The following PTPRD variants were observed in gnomAD, a reference collection of about 807,000 sequenced individuals.
The protein encoded by PTPRD is receptor-type tyrosine-protein phosphatase delta.
In PTPRD, 34 loss-of-function variants were observed where a neutral mutation model predicts 214.5. The ratio of observed to expected loss-of-function variants is 0.16; its 90% CI spans 0.12 to 0.21. The LOEUF (loss-of-function observed/expected upper bound fraction) is 0.21. PTPRD is among the 10% of genes least tolerant of loss of function. PTPRD has a pLI of 1.00. For missense variants in PTPRD, 2,545 were observed against 2,398.7 expected (o/e 1.06, Z -1.27); for synonymous variants, 1,128 against 845.7 (o/e 1.33, Z -5.79).
At chr9:8,535,502 T>A (rs1443747975) in intron 14 of PTPRD, among the ~76,000 whole-genome samples, 1 of 151,870 alleles carries the variant, frequency 6.6e-6, no homozygotes, top group African/African-American at 2.4e-5. Context: ...ATTTTAAAAA[T>A]AGCTCTAAAT....
chr9:8,410,866 C>T (rs2093455312), intron 35 of PTPRD, among the ~76,000 whole-genome samples: 1 of 151,928 alleles, frequency 6.6e-6, no homozygotes, highest in African/African-American at 2.4e-5. Context: ...ATGCAGGGAA[C>T]AAAAAGGATA....
intron 9 of PTPRD, among the ~76,000 whole-genome samples, chr9:9,303,218 T>C (rs1459272156): frequency 6.6e-6 from 1 of 152,004 alleles, no homozygotes; most frequent in Non-Finnish European, 1.5e-5. Flanking sequence ...ATTATCCTAT[T>C]TTTATACATC....
chr9:8,550,541 A>G (rs374993789), intron 14 of PTPRD, among the ~76,000 whole-genome samples: 1 of 152,206 alleles, frequency 6.6e-6, no homozygotes, highest in Non-Finnish European at 1.5e-5. Flanking sequence ...TGTATCTACC[A>G]TACACACAAA....
At chr9:10,164,670 C>G (rs1258498264) in intron 3 of PTPRD, among the ~76,000 whole-genome samples, 2 of 151,322 alleles carry the variant, frequency 1.3e-5, no homozygotes, top group African/African-American at 2.4e-5. Flanking sequence ...AGTAAAATAT[C>G]AAAGATTTAT....
At chr9:8,948,341 GC>G (rs1297797680) in intron 11 of PTPRD, among the ~76,000 whole-genome samples, 1 of 136,038 alleles carries the variant, frequency 7.4e-6, no homozygotes, top group Non-Finnish European at 1.5e-5. Context: ...TAACCACTAT[GC>G]CCATGCATCT....
chr9:10,225,209 A>C (rs1347144971), intron 3 of PTPRD, among the ~76,000 whole-genome samples: 1 of 151,910 alleles, frequency 6.6e-6, no homozygotes, highest in African/African-American at 2.4e-5. Flanking sequence ...TTAGTAGTTT[A>C]TAGTAAAAAG....
At chr9:9,980,905 G>C (rs2095522385) in intron 4 of PTPRD, among the ~76,000 whole-genome samples, 1 of 146,152 alleles carries the variant, frequency 6.8e-6, no homozygotes, top group Non-Finnish European at 1.5e-5. Flanking sequence ...TCATTAGAAA[G>C]GCAAGCTATT....
intron 9 of PTPRD, among the ~76,000 whole-genome samples, chr9:9,339,725 G>T (rs1293100388): frequency 1.3e-5 from 2 of 152,058 alleles, no homozygotes; most frequent in Non-Finnish European, 2.9e-5. Flanking sequence ...TTGTACAGTT[G>T]TTTCTCAAAA....
chr9:10,248,429 T>C (rs2092410410), intron 3 of PTPRD, among the ~76,000 whole-genome samples: 1 of 149,696 alleles, frequency 6.7e-6, no homozygotes, highest in Admixed American at 6.7e-5. Flanking sequence ...AAATGAGCTA[T>C]TCACCAAAAC....
At chr9:9,664,968 C>T (rs1594668492) in intron 7 of PTPRD, among the ~76,000 whole-genome samples, 1 of 151,492 alleles carries the variant, frequency 6.6e-6, no homozygotes, top group South Asian at 2.1e-4. Context: ...TGAATGAAAA[C>T]TTTTTATATT....
At chr9:10,378,428 G>C (rs1485754019) in intron 2 of PTPRD, among the ~76,000 whole-genome samples, 1 of 152,144 alleles carries the variant, frequency 6.6e-6, no homozygotes, top group East Asian at 1.9e-4. Context: ...TTTAATTGTA[G>C]TAGTTTTATA....
At chr9:8,905,247 G>T (rs989207795) in intron 11 of PTPRD, among the ~76,000 whole-genome samples, 4 of 151,772 alleles carry the variant, frequency 2.6e-5, no homozygotes, top group African/African-American at 9.7e-5. Context: ...TTTTAATTTG[G>T]CCATGGTTTG....
intron 11 of PTPRD, among the ~76,000 whole-genome samples, chr9:8,764,906 C>A (rs939130290): frequency 6.6e-6 from 1 of 152,000 alleles, no homozygotes; most frequent in African/African-American, 2.4e-5. Flanking sequence ...TAATTAAACA[C>A]ATCTCATGAT....
At chr9:9,019,459 C>G (rs915035588) in intron 10 of PTPRD, among the ~76,000 whole-genome samples, 2 of 152,270 alleles carry the variant, frequency 1.3e-5, no homozygotes, top group Admixed American at 6.5e-5. Flanking sequence ...TATCCCAGGA[C>G]TTGGGGAGGC....
chr9:9,600,973 A>G (rs1284928884), intron 7 of PTPRD, among the ~76,000 whole-genome samples: 1 of 151,974 alleles, frequency 6.6e-6, no homozygotes, highest in African/African-American at 2.4e-5. Context: ...GCCATTGGTA[A>G]TGAGACCTGG....
chr9:9,307,886 A>G (rs912033659), intron 9 of PTPRD, among the ~76,000 whole-genome samples: 7 of 152,150 alleles, frequency 4.6e-5, no homozygotes, highest in Non-Finnish European at 7.4e-5. Context: ...CTGGGAGCAC[A>G]TTCTGTTTGC....
chr9:10,539,625 G>A (rs2058652254), intron 2 of PTPRD, among the ~76,000 whole-genome samples: 1 of 152,092 alleles, frequency 6.6e-6, no homozygotes, highest in South Asian at 2.1e-4. Flanking sequence ...CTTTTTTGGT[G>A]CCAACTTGAA....
intron 12 of PTPRD, among the ~76,000 whole-genome samples, chr9:8,681,509 G>A (rs1175299709): frequency 6.6e-6 from 1 of 152,048 alleles, no homozygotes; most frequent in Non-Finnish European, 1.5e-5. Context: ...ACTGAGAGAA[G>A]CACCATGTCT....
At chr9:9,391,062 G>A (rs1277408972) in intron 9 of PTPRD, among the ~76,000 whole-genome samples, 2 of 152,210 alleles carry the variant, frequency 1.3e-5, no homozygotes, top group East Asian at 3.9e-4. Context: ...TGCATTAAGT[G>A]CACTAATTGA....
Sources: gnomAD v4.1 joint callset for allele counts (sites outside exome capture counted in the v4.1 genomes callset) on GRCh38, gnomAD v4.1.1 for gene constraint, MANE v1.5 for transcripts, NCBI Gene and HGNC (gene_info 2026-07-23, HGNC 2026-07-21) for gene names.